DLG2: variants seen among roughly 807,000 people sequenced by gnomAD.
DLG2 encodes disks large homolog 2.
Under a neutral mutation model 132.5 loss-of-function variants are expected in DLG2, and 45 were observed. The observed-to-expected ratio is 0.34, with a 90% confidence interval of 0.27 to 0.44. The LOEUF (loss-of-function observed/expected upper bound fraction) is 0.44. DLG2 is among the 20% of genes least tolerant of loss of function. The probability of loss-of-function intolerance (pLI) is 1.00; values close to 1 mark genes in which losing one functional copy is unlikely to be tolerated. For synonymous variants in DLG2, 424 were observed against 419.6 expected (o/e 1.01, Z -0.13); for missense variants, 1,045 against 1,196.9 (o/e 0.87, Z 1.87).
intron 21 of DLG2, among the ~76,000 whole-genome samples, chr11:83,521,387 C>T (rs928958254): frequency 1.3e-5 from 2 of 152,148 alleles, no homozygotes; most frequent in Admixed American, 6.5e-5. Flanking sequence ...AAAAAGTTTA[C>T]TTTAGTGACA....
intron 6 of DLG2, among the ~76,000 whole-genome samples, chr11:84,862,195 A>T (rs2083814180): frequency 6.6e-6 from 1 of 150,976 alleles, no homozygotes; most frequent in Non-Finnish European, 1.5e-5. Flanking sequence ...ATAATAATAA[A>T]TAAAAAATAA....
intron 7 of DLG2, among the ~76,000 whole-genome samples, chr11:84,313,846 A>G (rs1480584018): frequency 6.6e-6 from 1 of 152,198 alleles, no homozygotes; most frequent in East Asian, 1.9e-4. Context: ...CAAGGCTGAC[A>G]CTAACATCCT....
At chr11:84,734,963 C>G (rs1231520731) in intron 6 of DLG2, among the ~76,000 whole-genome samples, 1 of 152,120 alleles carries the variant, frequency 6.6e-6, no homozygotes, top group Non-Finnish European at 1.5e-5. Context: ...TATGTTGAAC[C>G]AGCCTTGCAT....
chr11:83,771,872 T>C (rs895495115), intron 18 of DLG2, among the ~76,000 whole-genome samples: 4 of 152,220 alleles, frequency 2.6e-5, no homozygotes, highest in Admixed American at 2.6e-4. Context: ...TATCTTTATA[T>C]GAAGATGTCT....
chr11:83,809,459 C>G (rs2046724291), intron 17 of DLG2, among the ~76,000 whole-genome samples: 1 of 152,156 alleles, frequency 6.6e-6, no homozygotes, highest in South Asian at 2.1e-4. Context: ...GTCTCTGGAG[C>G]TTCTTCAAAA....
intron 9 of DLG2, among the ~76,000 whole-genome samples, chr11:84,144,932 G>A (rs1487476801): frequency 2.6e-5 from 4 of 152,164 alleles, no homozygotes; most frequent in Non-Finnish European, 5.9e-5. Context: ...CTCAAGACCT[G>A]TAATCTAGTG....
chr11:83,699,813 T>TTATC (rs137988370), intron 18 of DLG2, among the ~76,000 whole-genome samples: 85 of 150,064 alleles, frequency 5.7e-4, no homozygotes, highest in East Asian at 2.9e-3. Flanking sequence ...GGCTAAAAAT[T>TTATC]TATCTATCTA....
intron 6 of DLG2, among the ~76,000 whole-genome samples, chr11:84,833,012 T>C (rs1169801622): frequency 6.6e-6 from 1 of 151,636 alleles, no homozygotes; most frequent in Non-Finnish European, 1.5e-5. Context: ...TTATTTGGTA[T>C]GTTGGACTAT....
chr11:83,656,169 G>A (rs1566338662), intron 18 of DLG2, among the ~76,000 whole-genome samples: 2 of 152,206 alleles, frequency 1.3e-5, no homozygotes, highest in South Asian at 4.1e-4. Flanking sequence ...ACAGTCAGCA[G>A]GGTGACACTC....
chr11:83,965,353 T>A lies in DLG2; in HGVS notation c.1172A>T (p.Asp391Val), dbSNP rs989001752. 6.2e-7 allele frequency: 1 copy of A among 1,611,766 alleles called. No homozygotes were observed. Among genetic ancestry groups the A allele is most frequent in the Non-Finnish European group, 8.5e-7 (1 of 1,178,614 alleles). The change falls in exon 13 of 28, where the codon GAT (aspartate) becomes GTT (valine). Residue 391 changes from aspartate to valine, a missense_variant. Physicochemically the swap from Asp to Val is radical, Grantham distance 152. Around this residue, in one of 4 missense-constraint regions of DLG2, gnomAD observed 261 missense variants for 256.1 expected, o/e 1.02. Transcript: ENST00000376104. ...VGKPTTIYMT[D>V]PYGPPDITHS... is the part of the protein sequence containing the mutation. ...AGTAATATCAGGTGGACCATAAGGA[T>A]CAGTCATATAAATGGTAGTGGGTTT...
At chr11:85,119,438 T>A (rs1566887490) in intron 5 of DLG2, among the ~76,000 whole-genome samples, 1 of 152,062 alleles carries the variant, frequency 6.6e-6, no homozygotes, top group Non-Finnish European at 1.5e-5. Context: ...ATACAAGATT[T>A]AAAAGCATAG....
At chr11:84,673,450 C>A (rs750300182) in intron 6 of DLG2, among the ~76,000 whole-genome samples, 4 of 151,698 alleles carry the variant, frequency 2.6e-5, no homozygotes, top group Non-Finnish European at 5.9e-5. Flanking sequence ...CAAAATGAGA[C>A]TGATATACAG....
chr11:83,982,631 G>A (rs1213525864), intron 11 of DLG2, among the ~76,000 whole-genome samples: 1 of 151,994 alleles, frequency 6.6e-6, no homozygotes, highest in Non-Finnish European at 1.5e-5. Flanking sequence ...GTGAGCTAAG[G>A]TTAATTATTG....
chr11:85,127,189 C>T (rs1404786348), intron 5 of DLG2, among the ~76,000 whole-genome samples: 1 of 151,958 alleles, frequency 6.6e-6, no homozygotes, highest in African/African-American at 2.4e-5. Flanking sequence ...ACATCCCAGC[C>T]ATATTGTCCT....
intron 6 of DLG2, among the ~76,000 whole-genome samples, chr11:84,600,698 G>A (rs2099574917): frequency 6.6e-6 from 1 of 152,104 alleles, no homozygotes; most frequent in African/African-American, 2.4e-5. Context: ...AGACCTCACT[G>A]CTTAACAAAA....
chr11:85,458,225 C>T (rs1443184784), intron 3 of DLG2, among the ~76,000 whole-genome samples: 2 of 152,096 alleles, frequency 1.3e-5, no homozygotes, highest in African/African-American at 4.8e-5. Flanking sequence ...GGCCTATTCT[C>T]CTGTTAACAC....
chr11:83,767,312 C>T (rs1281683986), intron 18 of DLG2, among the ~76,000 whole-genome samples: 2 of 152,072 alleles, frequency 1.3e-5, no homozygotes, highest in Non-Finnish European at 2.9e-5. Flanking sequence ...AAATGTGTGT[C>T]ATGGTAGTAA....
chr11:84,951,266 A>C (rs984417085), intron 6 of DLG2, among the ~76,000 whole-genome samples: 1 of 152,214 alleles, frequency 6.6e-6, no homozygotes, highest in Admixed American at 6.5e-5. Flanking sequence ...CAAGCATCCT[A>C]TATGGCAAGA....
At chr11:84,652,459 C>A (rs2099683193) in intron 6 of DLG2, among the ~76,000 whole-genome samples, 1 of 152,114 alleles carries the variant, frequency 6.6e-6, no homozygotes, top group Admixed American at 6.5e-5. Flanking sequence ...CTGTCACAGA[C>A]CAAACAGGAG....
Sources: gnomAD v4.1 joint callset for allele counts (sites outside exome capture counted in the v4.1 genomes callset) on GRCh38, gnomAD v4.1.1 for gene constraint, gnomAD v4.1.1 regional missense constraint, MANE v1.5 for transcripts, NCBI Gene and HGNC (gene_info 2026-07-23, HGNC 2026-07-21) for gene names.